The following CYP3A5 variants were observed in gnomAD, a reference collection of about 807,000 sequenced individuals.
CYP3A5 encodes cytochrome P450 3A5.
In CYP3A5, 51 loss-of-function variants were observed where a neutral mutation model predicts 55.9. That is an observed-to-expected ratio of 0.91 (90% CI 0.73 to 1.15). The LOEUF (loss-of-function observed/expected upper bound fraction) is 1.15, where lower values mean the gene tolerates loss of function less well. Ranked by LOEUF, CYP3A5 falls within the 50% of genes most tolerant of loss-of-function variation. CYP3A5 has a pLI of 0.00. For synonymous variants in CYP3A5, 196 were observed against 213.9 expected, an observed-to-expected ratio of 0.92 and a Z score of 0.73; for missense variants, 533 against 596.6, an observed-to-expected ratio of 0.89 and a Z score of 1.11.
chr7:99,658,669 C>T (rs1280006413), intron 10 of CYP3A5, among the ~76,000 whole-genome samples: 1 of 152,202 alleles, frequency 6.6e-6, no homozygotes, highest in Non-Finnish European at 1.5e-5. Flanking sequence ...TAATATCCTG[C>T]AGAGTGTTTT....
intron 6 of CYP3A5, 136 bp from the exon 7 acceptor site, chr7:99,665,450 C>T: frequency 7.9e-7 from 1 of 1,270,430 alleles, no homozygotes. Flanking sequence ...GCTGAATCAT[C>T]TTCCATCTAC....
intron 3 of CYP3A5, among the ~76,000 whole-genome samples, chr7:99,673,343 C>G (rs901848179): frequency 4.6e-5 from 7 of 152,242 alleles, no homozygotes; most frequent in African/African-American, 1.4e-4. Flanking sequence ...ATCCACTGCT[C>G]TCACCAAACC....
intron 10 of CYP3A5, among the ~76,000 whole-genome samples, chr7:99,654,900 A>G (rs1376024417): frequency 6.6e-6 from 1 of 152,162 alleles, no homozygotes; most frequent in African/African-American, 2.4e-5. Context: ...GTCTGTTCAT[A>G]TCCTTCCCCC....
chr7:99,672,536 C>G, intron 4 of CYP3A5, 44 bp downstream of exon 4: 1 of 1,490,394 alleles, frequency 6.7e-7, no homozygotes, highest in East Asian at 2.3e-5. Flanking sequence ...AAAATTTAAT[C>G]AGTGGATCAA....
intron 1 of CYP3A5, chr7:99,676,578 T>C (rs1324019660): frequency 7.4e-7 from 1 of 1,353,480 alleles, no homozygotes; most frequent in Non-Finnish European, 9.8e-7. Context: ...ACTCTCATCC[T>C]AGGTAGAAAG....
At position 99,648,249 on chromosome 7, in the gene CYP3A5, C is replaced by G; in HGVS notation, c.*56G>C. The G allele has an allele frequency of 1.9e-6, 3 of 1,583,566 alleles. No individual in the cohort carries two copies. The highest frequency in any genetic ancestry group is 2.6e-6 in the Non-Finnish European group (3 of 1,164,162). On this transcript the variant is annotated 3_prime_UTR_variant, in exon 13 of 13. Transcript: ENST00000222982. ...GGTTTTATTGACTAAGTTGAAATCT[C>G]TGGTGTTCTGGGGCACAGCTTTCTT...
intron 10 of CYP3A5, chr7:99,660,244 TTAC>T: frequency 1.1e-6 from 1 of 912,464 alleles, no homozygotes; most frequent in Non-Finnish European, 1.3e-6. Context: ...TTTTTTTTTT[TTAC>T]TTAGCATTAT....
rs1809449032 is a variant in CYP3A5 at position 99,654,000 on chromosome 7, G to GT, written c.1027-1222dup. Reference sequence around the variant, plus strand: ...TACCTCAGACCATAGCCAGACCAGAGTGAGTCCAGTCAGTATCAGCAGAAC... The same window carrying GT: ...TACCTCAGACCATAGCCAGACCAGAGTTGAGTCCAGTCAGTATCAGCAGAAC... On this transcript the variant is annotated intron_variant, in intron 10 of 12. Transcript: ENST00000222982. This position sits in a 1 kb window ranked among gnomAD's most constrained non-coding sequence, Gnocchi z 4.2. Among the ~76,000 whole-genome samples, 1 of 152,186 alleles carries GT rather than the reference G, an allele frequency of 6.6e-6. No individual in the cohort carries two copies. Among genetic ancestry groups the GT allele is most frequent in the South Asian group, 2.1e-4 (1 of 4,834 alleles).
chr7:99,660,515 G>A lies in CYP3A5; in HGVS notation c.1010C>T (p.Ala337Val). 1 of 1,612,512 alleles carries A rather than the reference G, an allele frequency of 6.2e-7. No homozygotes were observed. Among genetic ancestry groups the A allele is most frequent in the Non-Finnish European group, 8.5e-7 (1 of 1,179,296 alleles). ...TCCCCTCACCTTATTGGGCAAAACT[G>A]CATCAATCTCCTTTTGCAGTTTCTG... ...VQQKLQKEIDAVLPNKAPPTY... is the reference protein window; with the variant it reads ...VQQKLQKEIDVVLPNKAPPTY... Residue 337 changes from alanine (A) to valine (V), a missense_variant, in exon 10 of 13, where the codon GCA (alanine) becomes GTA (valine). Ala to Val is a moderately conservative substitution (Grantham distance 64). Transcript: ENST00000222982.
chr7:99,654,441 A>G (rs1312263595), intron 10 of CYP3A5, among the ~76,000 whole-genome samples: 2 of 152,206 alleles, frequency 1.3e-5, no homozygotes, highest in Non-Finnish European at 2.9e-5. Flanking sequence ...ATAGCATTCC[A>G]TGGTGTATAT....
At chr7:99,660,743 A>G in intron 9 of CYP3A5, 84 bp from the exon 10 acceptor site, 1 of 1,498,982 alleles carries the variant, frequency 6.7e-7, no homozygotes, top group East Asian at 2.3e-5. Context: ...GAAGCTCTCT[A>G]ATCCCAAGAA....
Position 99,666,676 on chromosome 7 carries a change from A to G in CYP3A5, c.446T>C (p.Ile149Thr), listed in dbSNP as rs142823108. The change falls in exon 6 of 13, where the codon ATT (isoleucine) becomes ACT (threonine). Residue 149 changes from isoleucine (I) to threonine (T), a missense_variant. By Grantham distance (89) the Ile-to-Thr change is moderately conservative. Coordinates refer to ENST00000222982, the MANE Select transcript of CYP3A5 (RefSeq NM_000777.5). ...CACCAATACATCTCCATACTGGGCA[A>G]TGATGGGGAACATCTAAGCACAAAA... ...SGKLKEMFPIIAQYGDVLVRN... is the reference protein window; with the variant it reads ...SGKLKEMFPITAQYGDVLVRN... The G allele has an allele frequency of 7.1e-5, 115 of 1,614,118 alleles. No homozygotes were observed. In the African/African-American group the frequency reaches 1.2e-3, roughly 17 times the overall value.
chr7:99,665,723 G>A (rs1001078689), intron 6 of CYP3A5, among the ~76,000 whole-genome samples: 2 of 152,220 alleles, frequency 1.3e-5, no homozygotes, highest in Non-Finnish European at 2.9e-5. Flanking sequence ...TCTGACTACA[G>A]ACTCTATGCC....
At chr7:99,663,868 G>T in intron 8 of CYP3A5, 100 bp downstream of exon 8, 1 of 1,448,460 alleles carries the variant, frequency 6.9e-7, no homozygotes, top group African/African-American at 1.5e-5. Context: ...TAAGTTCTCT[G>T]TCTTTATTTT....
intron 11 of CYP3A5, among the ~76,000 whole-genome samples, chr7:99,651,295 TTATGGATTTATGTAAATCA>T (rs1249138188): frequency 4.6e-5 from 7 of 152,218 alleles, no homozygotes; most frequent in African/African-American, 1.7e-4. Context: ...TCACATGAAT[TTATGGATTTATGTAAATCA>T]TATGGATTTA....
intron 10 of CYP3A5, among the ~76,000 whole-genome samples, chr7:99,654,201 C>T (rs527405913): frequency 3.3e-5 from 5 of 152,120 alleles, no homozygotes; most frequent in Admixed American, 2.6e-4. Flanking sequence ...ATTTAACATT[C>T]GGTATATCTC....
chr7:99,654,103 T>A (rs1157858090), intron 10 of CYP3A5, among the ~76,000 whole-genome samples: 3 of 152,182 alleles, frequency 2.0e-5, no homozygotes, highest in Non-Finnish European at 2.9e-5. Flanking sequence ...TTTTATACTT[T>A]AAGTTTTAGG....
Position 99,673,328 on chromosome 7 carries a change from A to T in CYP3A5, c.219-649T>A, listed in dbSNP as rs575181715. On this transcript the variant is annotated intron_variant, in intron 3 of 12. Coordinates refer to ENST00000222982, the MANE Select transcript of CYP3A5 (RefSeq NM_000777.5). ...TTCTAGTGAACAAACACACCACTGC[A>T]CCTCATCCACTGCTCTCACCAAACC... 2.6e-5 allele frequency among the ~76,000 whole-genome samples: 4 copies of T among 152,302 alleles called. No homozygotes were observed. The East Asian group carries it at 7.7e-4, about 29-fold the overall frequency.
At chr7:99,654,275 C>G (rs978843146) in intron 10 of CYP3A5, among the ~76,000 whole-genome samples, 1 of 151,624 alleles carries the variant, frequency 6.6e-6, no homozygotes, top group Admixed American at 6.6e-5. Context: ...TATTCCCCTT[C>G]CTGTGTCCAT....
Sources: gnomAD v4.1 joint callset for allele counts (sites outside exome capture counted in the v4.1 genomes callset) on GRCh38, gnomAD v4.1.1 for gene constraint, Gnocchi (gnomAD v3.1) non-coding constraint, MANE v1.5 for transcripts, NCBI Gene and HGNC (gene_info 2026-07-23, HGNC 2026-07-21) for gene names.